The following KCND2 variants were observed in gnomAD, a reference collection of about 807,000 sequenced individuals.
KCND2 encodes the protein A-type voltage-gated potassium channel KCND2.
In KCND2, 16 loss-of-function variants were observed where a neutral mutation model predicts 54.4. That is an observed-to-expected ratio of 0.29 (90% CI 0.20 to 0.45). The LOEUF is 0.45. Among genes scored for constraint, KCND2 ranks in the 20% least tolerant of loss-of-function variants. KCND2 has a pLI of 1.00. For missense variants in KCND2, 486 were observed against 824.2 expected (o/e 0.59, Z 5.02); for synonymous variants, 317 against 310.7 (o/e 1.02, Z -0.21).
intron 1 of KCND2, among the ~76,000 whole-genome samples, chr7:120,525,351 C>G (rs906849654): frequency 5.3e-5 from 8 of 152,148 alleles, no homozygotes; most frequent in Non-Finnish European, 1.0e-4. Context: ...GCAACTTACC[C>G]GCTTTGAACC....
intron 1 of KCND2, among the ~76,000 whole-genome samples, chr7:120,532,521 A>G (rs1481661790): frequency 6.6e-6 from 1 of 151,964 alleles, no homozygotes; most frequent in Non-Finnish European, 1.5e-5. Context: ...GTTTTGACAT[A>G]TACAATTTGA....
intron 1 of KCND2, among the ~76,000 whole-genome samples, chr7:120,349,098 C>T (rs10278418): frequency 0.064 from 9,710 of 152,168 alleles, 1,044 homozygotes; most frequent in African/African-American, 0.22. Context: ...CTTACCACCC[C>T]TCATAAATAT....
intron 1 of KCND2, among the ~76,000 whole-genome samples, chr7:120,417,137 G>A (rs746499064): frequency 3.9e-5 from 6 of 152,190 alleles, no homozygotes; most frequent in Non-Finnish European, 7.3e-5. Flanking sequence ...GTGAGCTACT[G>A]CAGCCAGCCT....
chr7:120,518,714 GT>G (rs150124081), intron 1 of KCND2, among the ~76,000 whole-genome samples: 4,863 of 152,206 alleles, frequency 0.032, 234 homozygotes, highest in African/African-American at 0.11. Flanking sequence ...TGAAACAATA[GT>G]TTGTTTCAAC....
At position 120,273,307 on chromosome 7, in the gene KCND2, C is replaced by T. The variant is rs1799107261; in HGVS notation, c.-1326C>T. 6.6e-6 allele frequency among the ~76,000 whole-genome samples: 1 copy of T among 151,010 alleles called. No homozygotes were observed. Among genetic ancestry groups the T allele is most frequent in the African/African-American group, 2.4e-5 (1 of 41,344 alleles). On this transcript the variant is annotated 5_prime_UTR_variant, in exon 1 of 6. Coordinates refer to ENST00000331113, the MANE Select transcript of KCND2 (RefSeq NM_012281.3). Reference sequence around the variant, plus strand: ...CACTGGCGGGGAAGCAGCTAGCAGCCCTCCCGCGCCCCCGCGCTGCCGAGC... The same window carrying T: ...CACTGGCGGGGAAGCAGCTAGCAGCTCTCCCGCGCCCCCGCGCTGCCGAGC...
At chr7:120,644,232 GT>G (rs1315842447) in intron 1 of KCND2, among the ~76,000 whole-genome samples, 4 of 152,142 alleles carry the variant, frequency 2.6e-5, no homozygotes, top group African/African-American at 9.7e-5. Context: ...TGACCATTAA[GT>G]ATGGAAGATC....
At chr7:120,742,187 A>G (rs1381331245) in intron 3 of KCND2, 1 of 313,406 alleles carries the variant, frequency 3.2e-6, no homozygotes, top group African/African-American at 2.2e-5. Flanking sequence ...GTGGTTTCAA[A>G]ATTTTCTAAG....
chr7:120,551,634 T>C (rs999604364), intron 1 of KCND2, among the ~76,000 whole-genome samples: 16 of 152,214 alleles, frequency 1.1e-4, no homozygotes, highest in Non-Finnish European at 1.5e-5. Context: ...CAAAATACTG[T>C]TGTAAAAGTC....
At chr7:120,394,031 T>C (rs540027575) in intron 1 of KCND2, among the ~76,000 whole-genome samples, 27 of 152,176 alleles carry the variant, frequency 1.8e-4, no homozygotes, top group Admixed American at 6.6e-4. Context: ...ATAATGAATT[T>C]ATGTTAAAAA....
chr7:120,409,960 C>T (rs1246894527), intron 1 of KCND2, among the ~76,000 whole-genome samples: 1 of 151,728 alleles, frequency 6.6e-6, no homozygotes, highest in Non-Finnish European at 1.5e-5. Context: ...GAAGTGTTTA[C>T]CTTATCCAAA....
chr7:120,372,472 A>ATT (rs1554432442), intron 1 of KCND2, among the ~76,000 whole-genome samples: 1 of 7,240 alleles, frequency 1.4e-4, no homozygotes, highest in Non-Finnish European at 5.3e-3. Flanking sequence ...CATTTTATTT[A>ATT]CTCTGCAAAT....
chr7:120,483,598 A>T (rs1584796955), intron 1 of KCND2, among the ~76,000 whole-genome samples: 2 of 152,332 alleles, frequency 1.3e-5, no homozygotes, highest in East Asian at 3.9e-4. Context: ...GGGATGATTC[A>T]TCGAAGTGAG....
intron 1 of KCND2, among the ~76,000 whole-genome samples, chr7:120,537,784 C>T (rs1041478241): frequency 6.6e-6 from 1 of 152,182 alleles, no homozygotes; most frequent in Non-Finnish European, 1.5e-5. Flanking sequence ...GCTTCCTCAC[C>T]TCTCTCAGGC....
chr7:120,630,914 C>T (rs778176430), intron 1 of KCND2, among the ~76,000 whole-genome samples: 18 of 152,100 alleles, frequency 1.2e-4, no homozygotes, highest in Non-Finnish European at 2.6e-4. Flanking sequence ...TTATGAGAAT[C>T]GCACTAACTG....
Position 120,303,744 on chromosome 7 carries a change from C to T in KCND2, c.1115+27997C>T, listed in dbSNP as rs532762250. On this transcript the variant is annotated intron_variant, in intron 1 of 5. Coordinates refer to ENST00000331113, the MANE Select transcript of KCND2 (RefSeq NM_012281.3). The stretch of plus-strand genomic sequence containing the variant: ...GTGAAAGAGAGAATGTATCTCTCTA[C>T]TCTCATTCTGAATGTGTATACATAT... Among the ~76,000 whole-genome samples, 109 of 152,268 alleles carry T rather than the reference C, an allele frequency of 7.2e-4. 2 individuals are homozygous for T. In the Middle Eastern group the frequency reaches 0.024, roughly 33 times the overall value.
intron 1 of KCND2, among the ~76,000 whole-genome samples, chr7:120,313,824 A>G (rs979095358): frequency 7.0e-6 from 1 of 142,146 alleles, no homozygotes; most frequent in Non-Finnish European, 1.5e-5. Flanking sequence ...GTGATATTCT[A>G]CTGTAAGACA....
intron 1 of KCND2, among the ~76,000 whole-genome samples, chr7:120,595,094 G>GTCTACTT (rs1792721161): frequency 3.3e-5 from 5 of 151,582 alleles, no homozygotes; most frequent in Admixed American, 2.0e-4. Context: ...TAGCTCTACA[G>GTCTACTT]AGACATGTTG....
chr7:120,551,945 A>G (rs1045179619), intron 1 of KCND2, among the ~76,000 whole-genome samples: 11 of 152,190 alleles, frequency 7.2e-5, no homozygotes, highest in Non-Finnish European at 1.3e-4. Flanking sequence ...ACAGAATGCT[A>G]GTGCTTGTTG....
At chr7:120,389,206 A>C (rs535238852) in intron 1 of KCND2, among the ~76,000 whole-genome samples, 1 of 151,920 alleles carries the variant, frequency 6.6e-6, no homozygotes, top group South Asian at 2.1e-4. Context: ...AAGGTCCATA[A>C]TTTAGCAATT....
Sources: gnomAD v4.1 joint callset for allele counts (sites outside exome capture counted in the v4.1 genomes callset) on GRCh38, gnomAD v4.1.1 for gene constraint, MANE v1.5 for transcripts, NCBI Gene and HGNC (gene_info 2026-07-23, HGNC 2026-07-21) for gene names.